The following YTHDC1 variants were observed in gnomAD, a reference collection of about 807,000 sequenced individuals.
YTHDC1 encodes the protein YTH domain-containing protein 1.
YTHDC1 carries 12 observed loss-of-function variants against 107.0 expected under a neutral mutation model. The observed-to-expected ratio is 0.11, with a 90% CI of 0.07 to 0.18. The LOEUF is 0.18. YTHDC1 is among the 10% of genes least tolerant of loss of function. The probability of loss-of-function intolerance (pLI) is 1.00; values close to 1 mark genes in which losing one functional copy is unlikely to be tolerated. For missense variants in YTHDC1, 635 were observed against 898.8 expected, an observed-to-expected ratio of 0.71 and a Z score of 3.75; for synonymous variants, 280 against 289.5, an observed-to-expected ratio of 0.97 and a Z score of 0.33.
intron 1 of YTHDC1, among the ~76,000 whole-genome samples, chr4:68,349,097 C>T (rs761501210): frequency 6.6e-6 from 1 of 152,208 alleles, no homozygotes; most frequent in Non-Finnish European, 1.5e-5. Flanking sequence ...AACATAATAG[C>T]ACCCAGGATT....
intron 2 of YTHDC1, 178 bp from the exon 3 acceptor site, chr4:68,338,078 G>A: frequency 2.1e-6 from 2 of 958,264 alleles, no homozygotes; most frequent in Non-Finnish European, 2.5e-6. Flanking sequence ...TTTCAACTAT[G>A]GGAATAAAAC....
chr4:68,350,011 G>A lies in YTHDC1; in HGVS notation c.-258C>T, dbSNP rs904859909. 4.6e-4 allele frequency: 263 copies of A among 574,618 alleles called. No homozygotes were observed. Among genetic ancestry groups the A allele is most frequent in the Admixed American group, 9.4e-4 (30 of 31,944 alleles). 35.6% of individuals were successfully genotyped at this position (574,618 alleles called of 1,614,324 possible). A position where few individuals can be genotyped will look rare whatever the true frequency, so the allele number is the denominator to read the frequency against. ...TCAGACTCGGGCTAGGTATGGGGGAGGGAAGGGAAACAGATGGCGACGGCG... is the reference window on the plus strand; with the variant it reads ...TCAGACTCGGGCTAGGTATGGGGGAAGGAAGGGAAACAGATGGCGACGGCG... On this transcript the variant is annotated 5_prime_UTR_variant, in exon 1 of 17. Coordinates refer to ENST00000344157, the MANE Select transcript of YTHDC1 (RefSeq NM_001031732.4).
At chr4:68,326,948 T>C (rs911067506) in intron 9 of YTHDC1, among the ~76,000 whole-genome samples, 2 of 149,780 alleles carry the variant, frequency 1.3e-5, no homozygotes, top group African/African-American at 2.5e-5. Flanking sequence ...AAAAGAAAAA[T>C]GGAGGCCGGG....
In YTHDC1 at chr4:68,349,930, C is replaced by T; in HGVS notation, c.-177G>A. 2 of 846,084 alleles carry T rather than the reference C, an allele frequency of 2.4e-6. No homozygotes were observed. Among genetic ancestry groups the T allele is most frequent in the Admixed American group, 2.3e-5 (1 of 43,518 alleles). 52.4% of individuals were successfully genotyped at this position (846,084 alleles called of 1,614,324 possible). A position where few individuals can be genotyped will look rare whatever the true frequency, so the allele number is the denominator to read the frequency against. ...TCGACTCTTCCCGCTTTTTCCCTTTCTCCCTTCCTTTCACTCCAGCATCCA... is the reference window on the plus strand; with the variant it reads ...TCGACTCTTCCCGCTTTTTCCCTTTTTCCCTTCCTTTCACTCCAGCATCCA... On this transcript the variant is annotated 5_prime_UTR_variant, in exon 1 of 17. Coordinates refer to ENST00000344157, the MANE Select transcript of YTHDC1 (RefSeq NM_001031732.4).
intron 4 of YTHDC1, among the ~76,000 whole-genome samples, chr4:68,333,656 A>G (rs1723834258): frequency 6.6e-6 from 1 of 152,124 alleles, no homozygotes; most frequent in Non-Finnish European, 1.5e-5. Context: ...CTTAATTGCC[A>G]TATATAGGTG....
At chr4:68,337,928 A>AG (rs746187340) in intron 2 of YTHDC1, 28 bp from the exon 3 acceptor site, 153 of 1,579,748 alleles carry the variant, frequency 9.7e-5, no homozygotes, top group South Asian at 2.3e-4. Context: ...AAAAAAAAAA[A>AG]AAGAAGTATT....
rs769350398 is a variant in YTHDC1, at chr4:68,314,054, C to T, written c.*45G>A. On this transcript the variant is annotated 3_prime_UTR_variant, in exon 17 of 17. Coordinates refer to ENST00000344157, the MANE Select transcript of YTHDC1 (RefSeq NM_001031732.4). ...TGTAAACACACACAAAAAAAAAATA[C>T]AAGATTTTTTGTATCTTTAAACAAT... is the stretch of plus-strand genomic sequence containing the variant. The T allele has an allele frequency of 3.2e-6, 5 of 1,567,518 alleles. No individual in the cohort carries two copies. Among genetic ancestry groups the T allele is most frequent in the South Asian group, 1.2e-5 (1 of 86,138 alleles).
rs753031727 is a variant in YTHDC1 at position 68,314,082 on chromosome 4, G to C, written c.*17C>G. ...GATTTTTTGTATCTTTAAACAATCA[G>C]TGCTTCCAAAAGCCCATTATCTTCT... On this transcript the variant is annotated 3_prime_UTR_variant, in exon 17 of 17. Coordinates refer to ENST00000344157, the MANE Select transcript of YTHDC1 (RefSeq NM_001031732.4). The C allele has an allele frequency of 3.7e-6, 6 of 1,608,568 alleles. No individual in the cohort carries two copies. The Admixed American group carries it at 1.0e-4, about 27-fold the overall frequency.
At chr4:68,329,500 A>G (rs1291504077) in intron 9 of YTHDC1, among the ~76,000 whole-genome samples, 3 of 152,170 alleles carry the variant, frequency 2.0e-5, no homozygotes, top group Non-Finnish European at 4.4e-5. Flanking sequence ...TGTGTACAAT[A>G]CTTCAGTGTG....
In YTHDC1 at chr4:68,311,385, A is replaced by G. The variant is rs1178609212; in HGVS notation, c.*2714T>C. On this transcript the variant is annotated 3_prime_UTR_variant, in exon 17 of 17. Coordinates refer to ENST00000344157, the MANE Select transcript of YTHDC1 (RefSeq NM_001031732.4). ...TGAATTTTCACTCCTTTGAACTATTACTCCAGCCAATAAAATCCCTGACCG... is the reference window on the plus strand; with the variant it reads ...TGAATTTTCACTCCTTTGAACTATTGCTCCAGCCAATAAAATCCCTGACCG... The G allele has an allele frequency of 2.6e-5, 4 of 152,034 alleles. No individual in the cohort carries two copies. The highest frequency in any genetic ancestry group is 9.7e-5 in the African/African-American group (4 of 41,390). 9.4% of individuals were successfully genotyped at this position (152,034 alleles called of 1,614,324 possible).
At chr4:68,344,631 G>A (rs1725218092) in intron 1 of YTHDC1, among the ~76,000 whole-genome samples, 1 of 152,192 alleles carries the variant, frequency 6.6e-6, no homozygotes, top group South Asian at 2.1e-4. Flanking sequence ...CTCCGTGAAA[G>A]TATAATCACG....
chr4:68,319,906 G>T (rs1722261933), intron 12 of YTHDC1, among the ~76,000 whole-genome samples: 1 of 151,934 alleles, frequency 6.6e-6, no homozygotes, highest in Non-Finnish European at 1.5e-5. Flanking sequence ...TAATTCATAG[G>T]GTATGATGAG....
chr4:68,334,321 C>G (rs1235144693), intron 4 of YTHDC1, among the ~76,000 whole-genome samples: 2 of 152,062 alleles, frequency 1.3e-5, no homozygotes, highest in Non-Finnish European at 2.9e-5. Context: ...TATACAATAA[C>G]CTACTATATA....
intron 6 of YTHDC1, 112 bp downstream of exon 6, chr4:68,332,682 T>C (rs908070488): frequency 4.4e-6 from 4 of 911,080 alleles, no homozygotes; most frequent in African/African-American, 3.4e-5. Context: ...TTTTGCTTCA[T>C]GTAATATATC....
At position 68,313,593 on chromosome 4, in the gene YTHDC1, A is replaced by C. The variant is rs960471886; in HGVS notation, c.*506T>G. ...AAGTGACTTTATAAGTTTTTTAAAA[A>C]AAGAGGCAATGGGGAAAAAAACAAG... is the stretch of plus-strand genomic sequence containing the variant. On this transcript the variant is annotated 3_prime_UTR_variant, in exon 17 of 17. Transcript: ENST00000344157. 3 of 153,480 alleles carry C rather than the reference A, an allele frequency of 2.0e-5. No individual in the cohort carries two copies. The highest frequency in any genetic ancestry group is 7.2e-5 in the African/African-American group (3 of 41,448). The allele number at this position is 153,480 out of a possible 1,614,324, so 9.5% of individuals were successfully genotyped here.
intron 10 of YTHDC1, 89 bp downstream of exon 10, chr4:68,324,050 C>T: frequency 8.3e-7 from 1 of 1,201,474 alleles, no homozygotes; most frequent in Non-Finnish European, 1.2e-6. Context: ...TCTCTTTCAT[C>T]AGAAACGGTT....
At chr4:68,342,473 TCAAA>T (rs1724929847) in intron 1 of YTHDC1, among the ~76,000 whole-genome samples, 1 of 152,156 alleles carries the variant, frequency 6.6e-6, no homozygotes, top group South Asian at 2.1e-4. Flanking sequence ...TTACCTAGCT[TCAAA>T]CAGAGGGGAC....
chr4:68,325,507 T>C (rs948415788), intron 9 of YTHDC1, among the ~76,000 whole-genome samples: 2 of 152,164 alleles, frequency 1.3e-5, no homozygotes, highest in African/African-American at 4.8e-5. Flanking sequence ...CCACATAACC[T>C]TACATGAATT....
chr4:68,346,700 T>C (rs369570453), intron 1 of YTHDC1, among the ~76,000 whole-genome samples: 1 of 152,334 alleles, frequency 6.6e-6, no homozygotes, highest in East Asian at 1.9e-4. Context: ...GCAGTGTCAG[T>C]GTTCAAAGTA....
Sources: gnomAD v4.1 joint callset for allele counts (sites outside exome capture counted in the v4.1 genomes callset) on GRCh38, gnomAD v4.1.1 for gene constraint, MANE v1.5 for transcripts, NCBI Gene and HGNC (gene_info 2026-07-23, HGNC 2026-07-21) for gene names.